Variants in CYP19A1 observed in about 807,000 individuals in gnomAD.
CYP19A1 encodes the protein cytochrome P450 family 19 subfamily A member 1, also known as aromatase.
In CYP19A1, 32 loss-of-function variants were observed where a neutral mutation model predicts 44.4. The observed-to-expected ratio is 0.72, with a 90% CI of 0.54 to 0.97. The LOEUF (loss-of-function observed/expected upper bound fraction) is 0.97. Among genes scored for constraint, CYP19A1 ranks in the 50% least tolerant of loss-of-function variants. The probability of loss-of-function intolerance (pLI) is 0.00; values close to 1 mark genes in which losing one functional copy is unlikely to be tolerated. For synonymous variants in CYP19A1, 212 were observed against 215.6 expected (o/e 0.98, Z 0.14); for missense variants, 598 against 637.8 (o/e 0.94, Z 0.67).
chr15:51,267,897 G>T (rs1172417842), intron 1 of CYP19A1, among the ~76,000 whole-genome samples: 1 of 152,164 alleles, frequency 6.6e-6, no homozygotes, highest in Non-Finnish European at 1.5e-5. Flanking sequence ...GAAGGAGCCT[G>T]AACGCCACAA....
chr15:51,252,116 T>TA (rs1353715858), intron 1 of CYP19A1, among the ~76,000 whole-genome samples: 3 of 152,144 alleles, frequency 2.0e-5, no homozygotes, highest in South Asian at 2.1e-4. Context: ...TATGCAGAGA[T>TA]ACACTGAGAC....
chr15:51,239,109 C>G (rs1285513357), intron 2 of CYP19A1, among the ~76,000 whole-genome samples: 1 of 152,190 alleles, frequency 6.6e-6, no homozygotes, highest in Non-Finnish European at 1.5e-5. Context: ...CTGGTTGTAG[C>G]CACATTAAGC....
rs139447089 is a variant in CYP19A1, at chr15:51,228,886, G to T, written c.297-953C>A. On this transcript the variant is annotated intron_variant, in intron 3 of 9. Coordinates refer to ENST00000396402, the MANE Select transcript of CYP19A1 (RefSeq NM_000103.4). ...AGCTGCAAATTCTCCCACTATGGAG[G>T]TTTTCAGAACAAATAACCCTCAAAG... is the stretch of plus-strand genomic sequence containing the variant. Among the ~76,000 whole-genome samples, 286 of 152,228 alleles carry T rather than the reference G, an allele frequency of 1.9e-3. 1 individual carries two copies. The highest frequency in any genetic ancestry group is 6.7e-3 in the African/African-American group (278 of 41,552).
At chr15:51,270,507 A>G (rs146026237) in intron 1 of CYP19A1, among the ~76,000 whole-genome samples, 103 of 151,992 alleles carry the variant, frequency 6.8e-4, no homozygotes, top group African/African-American at 2.5e-3. Context: ...GAAATCTCAT[A>G]CTCCAAGTAA....
At chr15:51,329,870 G>C (rs778454068) in intron 1 of CYP19A1, among the ~76,000 whole-genome samples, 3 of 152,198 alleles carry the variant, frequency 2.0e-5, no homozygotes, top group Non-Finnish European at 2.9e-5. Context: ...GACAGGGAGC[G>C]ACAGGCCATT....
chr15:51,248,910 G>A (rs1264348075), intron 1 of CYP19A1, among the ~76,000 whole-genome samples: 1 of 150,310 alleles, frequency 6.7e-6, no homozygotes, highest in Admixed American at 6.6e-5. Context: ...GCTTCCAGTT[G>A]TCTACAAGAC....
rs190403648 is a variant in CYP19A1 at position 51,210,617 on chromosome 15, G to A, written c.*191C>T. ...GCCTCTGCTTTTTCTCTTGTAGCCT[G>A]GTTCTCTGGTGTGAACAGGAGCAGA... is the stretch of plus-strand genomic sequence containing the variant. On this transcript the variant is annotated 3_prime_UTR_variant, in exon 10 of 10. Transcript: ENST00000396402. 22 of 718,400 alleles carry A rather than the reference G, an allele frequency of 3.1e-5. No homozygotes were observed. Among genetic ancestry groups the A allele is most frequent in the Admixed American group, 1.9e-4 (10 of 52,808 alleles). The allele number at this position is 718,400 out of a possible 1,614,324, so 44.5% of individuals were successfully genotyped here. A position where few individuals can be genotyped will look rare whatever the true frequency, so the allele number is the denominator to read the frequency against.
intron 1 of CYP19A1, among the ~76,000 whole-genome samples, chr15:51,292,816 C>CT (rs763860830): frequency 0.013 from 1,830 of 143,344 alleles, 26 homozygotes; most frequent in African/African-American, 0.025. Flanking sequence ...CAGAAAGTAG[C>CT]TTTTTTTTTT....
At chr15:51,226,191 T>C (rs1462496870) in intron 4 of CYP19A1, among the ~76,000 whole-genome samples, 2 of 148,662 alleles carry the variant, frequency 1.3e-5, no homozygotes, top group African/African-American at 5.0e-5. Context: ...AGAGATGTAA[T>C]GTGCAAAGGA....
At chr15:51,218,784 A>T (rs1030228033) in intron 5 of CYP19A1, 129 bp from the exon 6 acceptor site, 4 of 1,497,290 alleles carry the variant, frequency 2.7e-6, no homozygotes, top group Middle Eastern at 1.7e-4. Context: ...TAAGCTCAGC[A>T]AGATTCCATC....
At chr15:51,222,619 C>A in intron 4 of CYP19A1, 94 bp from the exon 5 acceptor site, 1 of 939,014 alleles carries the variant, frequency 1.1e-6, no homozygotes, top group Non-Finnish European at 1.7e-6. Context: ...GCTTAATTGT[C>A]CACAATTTTT....
At chr15:51,237,060 CA>C in intron 2 of CYP19A1, 51 bp from the exon 3 acceptor site, 2 of 1,606,966 alleles carry the variant, frequency 1.2e-6, no homozygotes, top group Non-Finnish European at 1.7e-6. Flanking sequence ...CCAAAAATTG[CA>C]ACTGTTTTGT....
chr15:51,212,956 C>T lies in CYP19A1; in HGVS notation c.1022-395G>A, dbSNP rs147887560. On this transcript the variant is annotated intron_variant, in intron 8 of 9. Coordinates refer to ENST00000396402, the MANE Select transcript of CYP19A1 (RefSeq NM_000103.4). ...CTGCTTCAAACATTCATCTCATGTG[C>T]CTGCTTTCTGAAATCTTTGAGTTTT... Among the ~76,000 whole-genome samples, 36 of 152,274 alleles carry T rather than the reference C, an allele frequency of 2.4e-4. No individual in the cohort carries two copies. The East Asian group carries it at 6.9e-3, about 29-fold the overall frequency.
At position 51,288,377 on chromosome 15, in the gene CYP19A1, G is replaced by A. The variant is rs1902581; in HGVS notation, c.-38-45427C>T. ...CCCCCCATAGTCCACCCCTGGGTTG[G>A]CCACTAGTGTTCCACAGCTGCTACT... is the stretch of plus-strand genomic sequence containing the variant. On this transcript the variant is annotated intron_variant, in intron 1 of 9. Coordinates refer to ENST00000396402, the MANE Select transcript of CYP19A1 (RefSeq NM_000103.4). Among the ~76,000 whole-genome samples the A allele has an allele frequency of 9.4e-3, 1,425 of 152,184 alleles. 27 individuals carry two copies. Among genetic ancestry groups the A allele is most frequent in the African/African-American group, 0.033 (1,379 of 41,506 alleles).
At chr15:51,251,791 G>A (rs1010260330) in intron 1 of CYP19A1, among the ~76,000 whole-genome samples, 1 of 152,206 alleles carries the variant, frequency 6.6e-6, no homozygotes, top group African/African-American at 2.4e-5. Flanking sequence ...GAGCTTATCT[G>A]TTGTTTAATG....
intron 8 of CYP19A1, 122 bp from the exon 9 acceptor site, chr15:51,212,683 A>T (rs1172048831): frequency 2.8e-6 from 2 of 708,774 alleles, no homozygotes; most frequent in Non-Finnish European, 2.5e-6. Context: ...TGTGGCTCTA[A>T]TTCTAATGCA....
intron 1 of CYP19A1, chr15:51,293,753 T>TC (rs1290089119): frequency 6.2e-6 from 1 of 162,390 alleles, no homozygotes; most frequent in Non-Finnish European, 1.3e-5. Flanking sequence ...GAGACGGGGT[T>TC]CCCCTGTGTT....
intron 9 of CYP19A1, among the ~76,000 whole-genome samples, chr15:51,211,259 C>T (rs543729399): frequency 7.8e-4 from 119 of 152,312 alleles, no homozygotes; most frequent in African/African-American, 2.7e-3. Flanking sequence ...TCTGACCCAA[C>T]CTCAGAGAGT....
intron 1 of CYP19A1, among the ~76,000 whole-genome samples, chr15:51,335,541 T>G (rs1345653908): frequency 2.6e-5 from 4 of 152,180 alleles, no homozygotes; most frequent in African/African-American, 9.7e-5. Context: ...CACGGTTCTG[T>G]TTTTCAACTA....
Sources: allele counts gnomAD v4.1 joint callset (sites outside exome capture counted in the v4.1 genomes callset), GRCh38; gene constraint gnomAD v4.1.1; transcripts MANE v1.5; gene names NCBI Gene and HGNC (gene_info 2026-07-23, HGNC 2026-07-21).